Variants in PPM1L observed in about 807,000 individuals in gnomAD.
PPM1L encodes protein phosphatase, Mg2+/Mn2+ dependent 1L.
In PPM1L, 13 loss-of-function variants were observed where a neutral mutation model predicts 31.4. That is an observed-to-expected ratio of 0.41 (90% CI 0.27 to 0.66). The LOEUF is 0.66. PPM1L is among the 30% of genes least tolerant of loss of function. PPM1L has a pLI of 0.29. For synonymous variants in PPM1L, 184 were observed against 175.4 expected, an observed-to-expected ratio of 1.05 and a Z score of -0.39; for missense variants, 326 against 453.7, an observed-to-expected ratio of 0.72 and a Z score of 2.56.
At chr3:160,917,868 A>G (rs1382193864) in intron 1 of PPM1L, among the ~76,000 whole-genome samples, 1 of 132,226 alleles carries the variant, frequency 7.6e-6, no homozygotes, top group African/African-American at 2.5e-5. Flanking sequence ...TTACATTGTG[A>G]TTAATATTCC....
chr3:161,037,047 A>G (rs1718760338), intron 2 of PPM1L, among the ~76,000 whole-genome samples: 1 of 152,152 alleles, frequency 6.6e-6, no homozygotes, highest in Admixed American at 6.5e-5. Flanking sequence ...ATCTGACCCT[A>G]TGGTATCCAT....
intron 2 of PPM1L, among the ~76,000 whole-genome samples, chr3:161,003,131 C>G (rs199832285): frequency 0.21 from 32,047 of 150,398 alleles, 3,276 homozygotes; most frequent in African/African-American, 0.29. Flanking sequence ...TCAGGTTTGT[C>G]AAAGATCAGA....
intron 1 of PPM1L, among the ~76,000 whole-genome samples, chr3:160,868,997 T>C (rs1303850197): frequency 6.6e-6 from 1 of 152,196 alleles, no homozygotes; most frequent in African/African-American, 2.4e-5. Flanking sequence ...ATCTGAATAG[T>C]GTTTCTGGAA....
chr3:160,786,040 G>C (rs1454657431), intron 1 of PPM1L, among the ~76,000 whole-genome samples: 1 of 149,818 alleles, frequency 6.7e-6, no homozygotes, highest in African/African-American at 2.5e-5. Context: ...TGCTATGTGA[G>C]AGTTCCTAAA....
chr3:160,908,165 T>C (rs896866119), intron 1 of PPM1L, among the ~76,000 whole-genome samples: 4 of 152,246 alleles, frequency 2.6e-5, no homozygotes, highest in African/African-American at 9.6e-5. Flanking sequence ...GGTTAGTCTT[T>C]CTACTCAAAT....
At chr3:161,039,271 G>A (rs1036462597) in intron 2 of PPM1L, among the ~76,000 whole-genome samples, 8 of 152,130 alleles carry the variant, frequency 5.3e-5, no homozygotes, top group African/African-American at 1.9e-4. Context: ...CTCTTTTGGG[G>A]TCTGGACTAG....
At chr3:160,902,328 C>A (rs1713571623) in intron 1 of PPM1L, among the ~76,000 whole-genome samples, 1 of 151,884 alleles carries the variant, frequency 6.6e-6, no homozygotes, top group South Asian at 2.1e-4. Context: ...CATTGGTATC[C>A]CTAAAGAGTA....
intron 1 of PPM1L, among the ~76,000 whole-genome samples, chr3:160,774,205 C>T (rs981978996): frequency 3.6e-4 from 55 of 152,036 alleles, no homozygotes; most frequent in Non-Finnish European, 1.5e-4. Context: ...TCTCTCAGTC[C>T]GCCACTCCTG....
chr3:160,972,272 A>G (rs1295297773), intron 2 of PPM1L, among the ~76,000 whole-genome samples: 1 of 152,038 alleles, frequency 6.6e-6, no homozygotes, highest in East Asian at 1.9e-4. Flanking sequence ...ATATGTATAC[A>G]TGTGCCATGT....
chr3:161,065,473 G>T lies in PPM1L; in HGVS notation c.645G>T (p.Gly215=), dbSNP rs1199350110. The part of the protein sequence containing the change: ...LTVANVGDSR[G]VLCDKDGNAI... ...TGGCCAACGTGGGTGACTCGCGCGGGGTCCTGTGTGACAAAGATGGGAACG... is the reference window on the plus strand; with the variant it reads ...TGGCCAACGTGGGTGACTCGCGCGGTGTCCTGTGTGACAAAGATGGGAACG... Residue 215 remains glycine, a synonymous_variant, in exon 3 of 4, where the codon GGG becomes GGT. Coordinates refer to ENST00000498165, the MANE Select transcript of PPM1L (RefSeq NM_139245.4). 6.2e-7 allele frequency: 1 copy of T among 1,614,030 alleles called. No homozygotes were observed. The highest frequency in any genetic ancestry group is 1.1e-5 in the South Asian group (1 of 91,070).
At chr3:160,808,383 C>CTGTG (rs71912617) in intron 1 of PPM1L, among the ~76,000 whole-genome samples, 3,533 of 110,224 alleles carry the variant, frequency 0.032, 88 homozygotes, top group East Asian at 0.048. Flanking sequence ...CAGGATTTTC[C>CTGTG]TGTGTGTGTG....
At chr3:161,046,860 G>T (rs893399371) in intron 2 of PPM1L, among the ~76,000 whole-genome samples, 1 of 152,170 alleles carries the variant, frequency 6.6e-6, no homozygotes, top group Non-Finnish European at 1.5e-5. Context: ...CTCAATGGAT[G>T]CAGAAAAGGC....
At chr3:160,911,718 C>A (rs537663580) in intron 1 of PPM1L, among the ~76,000 whole-genome samples, 6 of 152,306 alleles carry the variant, frequency 3.9e-5, no homozygotes, top group African/African-American at 1.4e-4. Flanking sequence ...CCAAGCAAGA[C>A]ACAGCCTTTT....
At chr3:160,869,886 C>CA (rs1298075592) in intron 1 of PPM1L, among the ~76,000 whole-genome samples, 1 of 152,196 alleles carries the variant, frequency 6.6e-6, no homozygotes, top group East Asian at 1.9e-4. Context: ...GAAGCCCTGG[C>CA]ATTTGCTTCA....
At chr3:160,804,776 G>T (rs73877961) in intron 1 of PPM1L, among the ~76,000 whole-genome samples, 8,040 of 152,196 alleles carry the variant, frequency 0.053, 694 homozygotes, top group African/African-American at 0.18. Flanking sequence ...TGCCATACAT[G>T]GGGGCTAATG....
chr3:161,056,328 CACT>C (rs1386306428), intron 2 of PPM1L, among the ~76,000 whole-genome samples: 1 of 152,134 alleles, frequency 6.6e-6, no homozygotes, highest in Non-Finnish European at 1.5e-5. Context: ...TCATTGTCAC[CACT>C]ATTCCTCTGA....
intron 1 of PPM1L, among the ~76,000 whole-genome samples, chr3:160,830,635 A>G (rs1223763924): frequency 2.0e-5 from 3 of 152,162 alleles, no homozygotes; most frequent in African/African-American, 7.2e-5. Context: ...TATGGTTTCA[A>G]GATTCCTGTG....
intron 2 of PPM1L, among the ~76,000 whole-genome samples, chr3:160,975,579 G>A (rs1385641347): frequency 1.3e-5 from 2 of 151,704 alleles, no homozygotes; most frequent in African/African-American, 4.8e-5. Context: ...TCCTTGAAGA[G>A]GTCCTTCACA....
At chr3:160,791,022 A>G (rs898012482) in intron 1 of PPM1L, among the ~76,000 whole-genome samples, 1 of 152,114 alleles carries the variant, frequency 6.6e-6, no homozygotes, top group Non-Finnish European at 1.5e-5. Context: ...AGAGAGATCC[A>G]GAAGGTCTTT....
Sources: allele counts gnomAD v4.1 joint callset (sites outside exome capture counted in the v4.1 genomes callset), GRCh38; gene constraint gnomAD v4.1.1; transcripts MANE v1.5; gene names NCBI Gene and HGNC (gene_info 2026-07-23, HGNC 2026-07-21).